PALB2: variants seen among roughly 807,000 people sequenced by gnomAD.
PALB2 encodes the protein partner and localizer of BRCA2, also known as mutant partner and localizer of BRCA2.
PALB2 carries 82 observed loss-of-function variants against 107.4 expected under a neutral mutation model. That is an observed-to-expected ratio of 0.76 (90% CI 0.64 to 0.92). The LOEUF is 0.92. PALB2 is among the 40% of genes least tolerant of loss of function. The pLI is 0.00. For synonymous variants in PALB2, 489 were observed against 496.8 expected, an observed-to-expected ratio of 0.98 and a Z score of 0.21; for missense variants, 1,374 against 1,379.9, an observed-to-expected ratio of 1.00 and a Z score of 0.07.
chr16:23,610,444 G>A (rs1020193274), intron 11 of PALB2, among the ~76,000 whole-genome samples: 4 of 151,558 alleles, frequency 2.6e-5, no homozygotes, highest in South Asian at 2.1e-4. Flanking sequence ...AACTAACTGG[G>A]ACTACAGGTG....
At chr16:23,604,846 G>A (rs1966437703) in intron 12 of PALB2, among the ~76,000 whole-genome samples, 1 of 152,094 alleles carries the variant, frequency 6.6e-6, no homozygotes, top group African/African-American at 2.4e-5. Context: ...GGCCAAGGCA[G>A]GCAGATCACC....
rs876660398 is a variant in PALB2 at position 23,635,668 on chromosome 16, C to T, written c.878G>A (p.Gly293Asp). The change falls in exon 4 of 13, where the codon GGC becomes GAC. Residue 293 changes from glycine to aspartate, a missense_variant. Coordinates refer to ENST00000261584, the MANE Select transcript of PALB2 (RefSeq NM_024675.4). ...ATCTGTAGAGACAGTCATTTTTTTG[C>T]CTTGTGCCTCCAAACTTACAGGTGA... is the stretch of plus-strand genomic sequence containing the variant. ...FTSPVSLEAQ[G>D]KKMTVSTDNL... 1.9e-6 allele frequency: 3 copies of T among 1,613,720 alleles called. No individual in the cohort carries two copies. In the African/African-American group the frequency reaches 4.0e-5, roughly 22 times the overall value.
intron 10 of PALB2, 54 bp downstream of exon 10, chr16:23,621,308 G>T: frequency 9.0e-7 from 1 of 1,115,592 alleles, no homozygotes; most frequent in Non-Finnish European, 1.4e-6. Flanking sequence ...TAAAATTAGA[G>T]GTATATCCTC....
In PALB2 at chr16:23,630,077, G is replaced by T. The variant is rs150585579; in HGVS notation, c.2077C>A (p.His693Asn). The T allele has an allele frequency of 2.5e-6, 4 of 1,614,170 alleles. No homozygotes were observed. The highest frequency in any genetic ancestry group is 3.4e-6 in the Non-Finnish European group (4 of 1,180,028). Reference sequence around the variant, plus strand: ...GATGAAGAAAGGCCCGTCTTTGTATGCTGGCTTTGCGAGTTTGGCCTTTTG... The same window carrying T: ...GATGAAGAAAGGCCCGTCTTTGTATTCTGGCTTTGCGAGTTTGGCCTTTTG... Reference protein sequence around the residue: ...HPKRPNSQSQHTKTGLSSSIL... With the variant: ...HPKRPNSQSQNTKTGLSSSIL... The change falls in exon 5 of 13, where the codon CAT becomes AAT. Residue 693 changes from histidine (H) to asparagine (N), a missense_variant. Coordinates refer to ENST00000261584, the MANE Select transcript of PALB2 (RefSeq NM_024675.4).
Position 23,629,911 on chromosome 16 carries a change from G to A in PALB2, c.2243C>T (p.Thr748Ile), listed in dbSNP as rs762533408. Reference protein sequence around the residue: ...GPQGSYEKASTEVAGRTCCTP... With the variant: ...GPQGSYEKASIEVAGRTCCTP... ...GCAGCAAGTTCGTCCAGCAACTTCT[G>A]TAGATGCTTTTTCATAGGAGCCTTG... The change falls in exon 5 of 13, where the codon ACA becomes ATA. Residue 748 changes from threonine (T) to isoleucine (I), a missense_variant. Physicochemically the swap from Thr to Ile is moderately conservative, Grantham distance 89 (BLOSUM62 -1). Coordinates refer to ENST00000261584, the MANE Select transcript of PALB2 (RefSeq NM_024675.4). 6.2e-7 allele frequency: 1 copy of A among 1,614,192 alleles called. No individual in the cohort carries two copies. Among genetic ancestry groups the A allele is most frequent in the Non-Finnish European group, 8.5e-7 (1 of 1,180,038 alleles).
Position 23,621,458 on chromosome 16 carries a change from A to G in PALB2, c.3017T>C (p.Leu1006Ser), listed in dbSNP as rs1371937751. Reference sequence around the variant, plus strand: ...TAGTATAGTCTCCTCAGGGGGCATCAAAAATTGGTTTTCTTTGCCTCTGTA... The same window carrying G: ...TAGTATAGTCTCCTCAGGGGGCATCGAAAATTGGTTTTCTTTGCCTCTGTA... ...EDGGGKENQFLMPPEETILTF... is the reference protein window; with the variant it reads ...EDGGGKENQFSMPPEETILTF... Residue 1006 changes from leucine (L) to serine (S), a missense_variant, in exon 10 of 13, where the codon TTG (leucine) becomes TCG (serine). Physicochemically the swap from Leu to Ser is moderately radical, Grantham distance 145. Coordinates refer to ENST00000261584, the MANE Select transcript of PALB2 (RefSeq NM_024675.4). The G allele has an allele frequency of 6.2e-7, 1 of 1,613,516 alleles. No individual in the cohort carries two copies. The highest frequency in any genetic ancestry group is 1.1e-5 in the South Asian group (1 of 91,064).
At chr16:23,609,710 G>A (rs533264899) in intron 11 of PALB2, among the ~76,000 whole-genome samples, 7 of 152,298 alleles carry the variant, frequency 4.6e-5, no homozygotes, top group African/African-American at 1.7e-4. Context: ...GTAGAGCGGG[G>A]TTTCACTGTG....
intron 1 of PALB2, 134 bp from the exon 2 acceptor site, chr16:23,638,263 C>A: frequency 1.3e-6 from 1 of 759,676 alleles, no homozygotes; most frequent in Non-Finnish European, 2.4e-6. Context: ...ACTTTTGGTT[C>A]TCAAAAAGCA....
rs180177092 is a variant in PALB2, at chr16:23,635,787, TAG to T, written c.757_758del (p.Leu253IlefsTer3). The T allele has an allele frequency of 3.1e-6, 5 of 1,614,180 alleles. No homozygotes were observed. The highest frequency in any genetic ancestry group is 4.2e-6 in the Non-Finnish European group (5 of 1,180,004). ...GGTGCTGACTACTACCGCTATCTGA[TAG>T]AGTCTGTAAAGGAACTGTAGTCGCC... ...TRATTVPLQT[L>X]SDSGSSQHLE... On this transcript the variant is annotated frameshift_variant, in exon 4 of 13. Coordinates refer to ENST00000261584, the MANE Select transcript of PALB2 (RefSeq NM_024675.4). LOFTEE classifies it high-confidence loss of function.
chr16:23,608,829 TAC>T (rs1555458348), intron 11 of PALB2, among the ~76,000 whole-genome samples: 1 of 110,454 alleles, frequency 9.1e-6, no homozygotes. Context: ...CACACATATA[TAC>T]AGATTTTTTT....
intron 10 of PALB2, among the ~76,000 whole-genome samples, chr16:23,614,779 T>C (rs1269649381): frequency 6.8e-6 from 1 of 147,320 alleles, no homozygotes; most frequent in African/African-American, 2.5e-5. Context: ...GCCTCCCGAG[T>C]AGCTGGGACT....
intron 6 of PALB2, among the ~76,000 whole-genome samples, chr16:23,627,350 G>T (rs544805887): frequency 6.6e-6 from 1 of 151,698 alleles, no homozygotes; most frequent in Non-Finnish European, 1.5e-5. Context: ...AGCTGGGCGC[G>T]GTGGCGGGCG....
At chr16:23,621,536 C>A (rs1966774114) in intron 9 of PALB2, 58 bp from the exon 10 acceptor site, 2 of 1,042,974 alleles carry the variant, frequency 1.9e-6, no homozygotes, top group Non-Finnish European at 3.0e-6. Context: ...CTCTAGGTAG[C>A]CCTTCTCCGC....
In PALB2 at chr16:23,621,388, A is replaced by C; in HGVS notation, c.3087T>G (p.Thr1029=). ...AAATAACAATGTTGTTCATAATAGT[A>C]GTACCAAGCAGAGCTTCTTGCATCC... ...VQGMQEALLG[T]TIMNNIVIWN... Residue 1029 remains threonine (T), a synonymous_variant, in exon 10 of 13, where the codon ACT becomes ACG. Coordinates refer to ENST00000261584, the MANE Select transcript of PALB2 (RefSeq NM_024675.4). The C allele has an allele frequency of 6.2e-7, 1 of 1,612,908 alleles. No individual in the cohort carries two copies. The highest frequency in any genetic ancestry group is 2.2e-5 in the East Asian group (1 of 44,862).
Position 23,635,986 on chromosome 16 carries a change from G to T in PALB2, c.560C>A (p.Pro187His), listed in dbSNP as rs371582757. Reference protein sequence around the residue: ...KEQEEISSKNPARSPVTEIRT... With the variant: ...KEQEEISSKNHARSPVTEIRT... ...TATTTCAGTTACTGGTGATCTAGCAGGATTTTTGCTACTGATTTCTTCCTG... is the reference window on the plus strand; with the variant it reads ...TATTTCAGTTACTGGTGATCTAGCATGATTTTTGCTACTGATTTCTTCCTG... The change falls in exon 4 of 13, where the codon CCT becomes CAT. Residue 187 changes from proline (P) to histidine (H), a missense_variant. By Grantham distance (77) the Pro-to-His change is moderately conservative. Transcript: ENST00000261584. 42 of 1,614,110 alleles carry T rather than the reference G, an allele frequency of 2.6e-5. No individual in the cohort carries two copies. The South Asian group carries it at 3.7e-4, about 14-fold the overall frequency.
intron 10 of PALB2, chr16:23,617,532 C>T (rs566452223): frequency 8.9e-4 from 132 of 147,898 alleles, no homozygotes; most frequent in African/African-American, 3.1e-3. Flanking sequence ...CCAGTCTAGG[C>T]AACATGGGAA....
chr16:23,609,018 G>A (rs762450435), intron 11 of PALB2, among the ~76,000 whole-genome samples: 1 of 152,016 alleles, frequency 6.6e-6, no homozygotes, highest in East Asian at 1.9e-4. Context: ...AGTAGAGACA[G>A]GGTTTCACCA....
At chr16:23,619,639 G>C (rs1966739446) in intron 10 of PALB2, among the ~76,000 whole-genome samples, 1 of 151,908 alleles carries the variant, frequency 6.6e-6, no homozygotes, top group African/African-American at 2.4e-5. Flanking sequence ...TTTGTATTCT[G>C]TTAGGTTCCT....
chr16:23,604,874 G>A (rs761443629), intron 12 of PALB2, among the ~76,000 whole-genome samples: 17 of 151,868 alleles, frequency 1.1e-4, no homozygotes, highest in Non-Finnish European at 2.4e-4. Flanking sequence ...AGGAGTTCAC[G>A]ACTAGCCTGG....
Sources: gnomAD v4.1 joint callset for allele counts (sites outside exome capture counted in the v4.1 genomes callset) on GRCh38, gnomAD v4.1.1 for gene constraint, MANE v1.5 for transcripts, NCBI Gene and HGNC (gene_info 2026-07-23, HGNC 2026-07-21) for gene names.